LARS2: variants seen among roughly 807,000 people sequenced by gnomAD.
LARS2 encodes leucyl-tRNA synthetase 2, mitochondrial, also known as leucine--tRNA ligase, mitochondrial.
In LARS2, 81 loss-of-function variants were observed where a neutral mutation model predicts 116.6. That is an observed-to-expected ratio of 0.69 (90% CI 0.58 to 0.84). LARS2 has a LOEUF of 0.84. Among genes scored for constraint, LARS2 ranks in the 40% least tolerant of loss-of-function variants. The probability of loss-of-function intolerance (pLI) is 0.00; values close to 1 mark genes in which losing one functional copy is unlikely to be tolerated. For synonymous variants in LARS2, 396 were observed against 407.2 expected (o/e 0.97, Z 0.33); for missense variants, 968 against 1,114.5 (o/e 0.87, Z 1.87).
At chr3:45,447,639 C>A (rs1699044749) in intron 7 of LARS2, among the ~76,000 whole-genome samples, 1 of 152,186 alleles carries the variant, frequency 6.6e-6, no homozygotes, top group Non-Finnish European at 1.5e-5. Context: ...CTTGGACTTC[C>A]TGACCTCCAG....
Position 45,465,684 on chromosome 3 carries a change from C to T in LARS2, c.750+6798C>T, listed in dbSNP as rs1012508967. ...CTCCAGGGGTTGGTACAGGGCTGGG[C>T]CTTCGCTCTGGGATTCAGAAACCAG... On this transcript the variant is annotated intron_variant, in intron 8 of 21. Coordinates refer to ENST00000645846, the MANE Select transcript of LARS2 (RefSeq NM_015340.4). 3.9e-5 allele frequency among the ~76,000 whole-genome samples: 6 copies of T among 152,310 alleles called. No homozygotes were observed. In the South Asian group the frequency reaches 1.2e-3, roughly 32 times the overall value.
At chr3:45,485,151 C>G (rs1699783915) in intron 10 of LARS2, among the ~76,000 whole-genome samples, 1 of 152,176 alleles carries the variant, frequency 6.6e-6, no homozygotes, top group Non-Finnish European at 1.5e-5. Context: ...CTATGTCTGT[C>G]TCTTTCTTGA....
chr3:45,520,093 A>T, intron 18 of LARS2, 126 bp from the exon 19 acceptor site: 2 of 666,824 alleles, frequency 3.0e-6, no homozygotes, highest in Admixed American at 5.0e-5. Context: ...TTGAGATAGT[A>T]GATATATTTA....
intron 19 of LARS2, among the ~76,000 whole-genome samples, chr3:45,521,236 C>T (rs556284366): frequency 1.3e-5 from 2 of 152,104 alleles, no homozygotes; most frequent in African/African-American, 2.4e-5. Flanking sequence ...ACCCAGGTGG[C>T]GGAGCATGCA....
intron 14 of LARS2, among the ~76,000 whole-genome samples, chr3:45,498,375 C>G (rs572102345): frequency 6.6e-6 from 1 of 152,304 alleles, no homozygotes; most frequent in Non-Finnish European, 1.5e-5. Flanking sequence ...TTAATATATC[C>G]CAAACTTGTT....
chr3:45,512,929 A>G (rs1385547433), intron 15 of LARS2, among the ~76,000 whole-genome samples: 1 of 152,170 alleles, frequency 6.6e-6, no homozygotes, highest in Non-Finnish European at 1.5e-5. Context: ...AGGCAGGTGG[A>G]TCACGCCCAG....
At chr3:45,388,729 C>T (rs1362639867) in intron 1 of LARS2, 49 bp downstream of exon 1, 1 of 152,394 alleles carries the variant, frequency 6.6e-6, no homozygotes, top group Non-Finnish European at 1.5e-5. Context: ...GGCCCAGTCT[C>T]CTCTTCCTCC....
chr3:45,480,926 A>T (rs935786299), intron 10 of LARS2, among the ~76,000 whole-genome samples: 1 of 152,356 alleles, frequency 6.6e-6, no homozygotes, highest in Middle Eastern at 3.4e-3. Flanking sequence ...CCTACTTAAT[A>T]TATACAATTC....
At chr3:45,511,560 C>T (rs533780937) in intron 15 of LARS2, among the ~76,000 whole-genome samples, 45 of 151,792 alleles carry the variant, frequency 3.0e-4, no homozygotes, top group African/African-American at 1.1e-3. Flanking sequence ...GTGTGCTATA[C>T]CTCAACAGTT....
rs565424708 is a variant in LARS2 at position 45,491,837 on chromosome 3, A to G, written c.1523+37A>G. On this transcript the variant is annotated intron_variant, in intron 13 of 21. Transcript: ENST00000645846. ...CATCCCTGCAGTGGTGACTGTGCCT[A>G]TGGCCCCATACCTGCTAGGGCTTCA... is the stretch of plus-strand genomic sequence containing the variant. 195 of 1,590,624 alleles carry G rather than the reference A, an allele frequency of 1.2e-4. 1 individual carries two copies. The South Asian group carries it at 2.0e-3, about 16-fold the overall frequency.
At chr3:45,506,868 C>T (rs1700207586) in intron 15 of LARS2, 1 of 151,864 alleles carries the variant, frequency 6.6e-6, no homozygotes, top group Middle Eastern at 3.2e-3. Context: ...TTTTTCATCA[C>T]CTGCACAGTT....
At chr3:45,540,923 TTA>T (rs1262310844) in intron 20 of LARS2, among the ~76,000 whole-genome samples, 1 of 152,040 alleles carries the variant, frequency 6.6e-6, no homozygotes, top group East Asian at 1.9e-4. Flanking sequence ...GTACCTGGGA[TTA>T]TAGGCATGAG....
At chr3:45,401,101 A>G (rs1698140982) in intron 4 of LARS2, among the ~76,000 whole-genome samples, 1 of 152,170 alleles carries the variant, frequency 6.6e-6, no homozygotes. Flanking sequence ...GTGAGCCACC[A>G]TGCCCGGCAG....
At chr3:45,415,285 T>C (rs1698395039) in intron 4 of LARS2, among the ~76,000 whole-genome samples, 2 of 152,180 alleles carry the variant, frequency 1.3e-5, no homozygotes, top group Non-Finnish European at 2.9e-5. Context: ...CTTTGGAGAA[T>C]GAAAATATCT....
chr3:45,502,577 A>G (rs1700138827), intron 15 of LARS2, among the ~76,000 whole-genome samples: 2 of 151,908 alleles, frequency 1.3e-5, no homozygotes. Flanking sequence ...CGCCCAGCTA[A>G]TTTTTGTATT....
At chr3:45,479,845 C>G (rs1032077998) in intron 10 of LARS2, among the ~76,000 whole-genome samples, 2 of 152,244 alleles carry the variant, frequency 1.3e-5, no homozygotes, top group Middle Eastern at 3.4e-3. Context: ...AACCCTGGGG[C>G]TTTGGAACCA....
chr3:45,546,592 A>G (rs938295021), intron 21 of LARS2, among the ~76,000 whole-genome samples: 8 of 152,188 alleles, frequency 5.3e-5, no homozygotes, highest in Admixed American at 4.6e-4. Context: ...GACTGTGACT[A>G]TATTTTCCAA....
intron 8 of LARS2, among the ~76,000 whole-genome samples, chr3:45,469,899 GCAAAT>G (rs1190060573): frequency 6.6e-6 from 1 of 152,004 alleles, no homozygotes; most frequent in Non-Finnish European, 1.5e-5. Flanking sequence ...AAAAATAATT[GCAAAT>G]CAAATCATAC....
rs1392395784 is a variant in LARS2 at position 45,527,424 on chromosome 3, AC to A, written c.2404+3318del. Among the ~76,000 whole-genome samples, 5 of 152,282 alleles carry A rather than the reference AC, an allele frequency of 3.3e-5. No homozygotes were observed. The East Asian group carries it at 7.7e-4, about 24-fold the overall frequency. ...TGGATCATGAGGTCAAGAGATCGAG[AC>A]CATCCTGGCCAACATGGTGAAACCC... On this transcript the variant is annotated intron_variant, in intron 20 of 21. Coordinates refer to ENST00000645846, the MANE Select transcript of LARS2 (RefSeq NM_015340.4).
Sources: allele counts gnomAD v4.1 joint callset (sites outside exome capture counted in the v4.1 genomes callset), GRCh38; gene constraint gnomAD v4.1.1; transcripts MANE v1.5; gene names NCBI Gene and HGNC (gene_info 2026-07-23, HGNC 2026-07-21).